SIPA1L3: variants seen among roughly 807,000 people sequenced by gnomAD.
The protein encoded by SIPA1L3 is signal induced proliferation associated 1 like 3, also known as signal-induced proliferation-associated 1-like protein 3.
Under a neutral mutation model 150.1 loss-of-function variants are expected in SIPA1L3, and 59 were observed. The observed-to-expected ratio is 0.39, with a 90% confidence interval of 0.32 to 0.49. The LOEUF is 0.49. Ranked by LOEUF, SIPA1L3 falls within the 20% of genes least tolerant of loss-of-function variation. The pLI, the probability that SIPA1L3 is intolerant of heterozygous loss-of-function variation, is 0.86. For synonymous variants in SIPA1L3, 1,070 were observed against 1,077.6 expected, an observed-to-expected ratio of 0.99 and a Z score of 0.14; for missense variants, 2,211 against 2,489.5, an observed-to-expected ratio of 0.89 and a Z score of 2.38.
rs896797289 is a variant in SIPA1L3 at position 37,923,167 on chromosome 19, C to T, written c.-379+15809C>T. On this transcript the variant is annotated intron_variant, in intron 1 of 21. Coordinates refer to ENST00000222345, the MANE Select transcript of SIPA1L3 (RefSeq NM_015073.3). ...AAAAAAAAAGAAGTACAACACGCAC[C>T]GTGTCAGTTGGTGATAAGTGCGAGG... Among the ~76,000 whole-genome samples the T allele has an allele frequency of 4.0e-5, 6 of 151,842 alleles. No homozygotes were observed. In the South Asian group the frequency reaches 6.2e-4, roughly 16 times the overall value.
intron 1 of SIPA1L3, among the ~76,000 whole-genome samples, chr19:37,914,236 C>T (rs190650923): frequency 6.6e-5 from 10 of 151,944 alleles, no homozygotes; most frequent in African/African-American, 1.9e-4. Context: ...CTGGCTATGC[C>T]GAAAGTTGAA....
At chr19:37,919,570 T>C (rs1007005371) in intron 1 of SIPA1L3, among the ~76,000 whole-genome samples, 2 of 152,150 alleles carry the variant, frequency 1.3e-5, no homozygotes, top group African/African-American at 2.4e-5. Context: ...GGTCTTTCGA[T>C]GAACAGACAG....
intron 2 of SIPA1L3, among the ~76,000 whole-genome samples, chr19:38,045,663 T>C (rs2145749066): frequency 6.6e-6 from 1 of 151,842 alleles, no homozygotes; most frequent in African/African-American, 2.4e-5. Context: ...GGGGTGGGCG[T>C]GGGAGTGTCA....
At chr19:38,056,487 C>T (rs987454222) in intron 2 of SIPA1L3, among the ~76,000 whole-genome samples, 9 of 152,208 alleles carry the variant, frequency 5.9e-5, no homozygotes, top group African/African-American at 9.7e-5. Context: ...TCTTCCTTGG[C>T]CACCCACTCT....
At chr19:38,179,802 C>G (rs1364625810) in intron 15 of SIPA1L3, among the ~76,000 whole-genome samples, 1 of 152,160 alleles carries the variant, frequency 6.6e-6, no homozygotes, top group African/African-American at 2.4e-5. Flanking sequence ...TGTCTACTGA[C>G]TCAGGTCATT....
Position 38,073,866 on chromosome 19 carries a change from G to C in SIPA1L3, c.-310-7390G>C, listed in dbSNP as rs118018909. Among the ~76,000 whole-genome samples the C allele has an allele frequency of 7.9e-4, 120 of 152,334 alleles. 3 individuals are homozygous for C. In the East Asian group the frequency reaches 0.017, roughly 22 times the overall value. ...CCTGGGCCGACCAAGCCCACGTCCT[G>C]TGCCCACTCCAACTGTGCTTCTGTG... On this transcript the variant is annotated intron_variant, in intron 2 of 21. Transcript: ENST00000222345.
intron 1 of SIPA1L3, among the ~76,000 whole-genome samples, chr19:38,001,403 G>A (rs1410507010): frequency 5.9e-5 from 9 of 151,982 alleles, no homozygotes; most frequent in Non-Finnish European, 5.9e-5. Context: ...TTCTGATCTT[G>A]CAAAAGAACC....
At chr19:38,090,772 A>G (rs1970240195) in intron 4 of SIPA1L3, among the ~76,000 whole-genome samples, 1 of 152,182 alleles carries the variant, frequency 6.6e-6, no homozygotes, top group South Asian at 2.1e-4. Context: ...GGGGCCAGCC[A>G]AGTCCTGGAC....
chr19:38,133,466 A>T (rs929422215), intron 10 of SIPA1L3, among the ~76,000 whole-genome samples: 6 of 152,224 alleles, frequency 3.9e-5, no homozygotes, highest in Non-Finnish European at 8.8e-5. Context: ...TTTCAGAATA[A>T]TGAGTTGGTC....
At chr19:38,159,777 C>T (rs1258676349) in intron 13 of SIPA1L3, among the ~76,000 whole-genome samples, 3 of 152,174 alleles carry the variant, frequency 2.0e-5, no homozygotes, top group African/African-American at 4.8e-5. Flanking sequence ...ACTGGGAGGA[C>T]GCAGCAGGGT....
intron 1 of SIPA1L3, among the ~76,000 whole-genome samples, chr19:37,964,975 A>G (rs2046890306): frequency 6.6e-6 from 1 of 152,280 alleles, no homozygotes; most frequent in Non-Finnish European, 1.5e-5. Context: ...GTTAGATAGA[A>G]TTCTCTATAC....
intron 1 of SIPA1L3, among the ~76,000 whole-genome samples, chr19:37,937,282 A>G (rs1480389179): frequency 6.6e-6 from 1 of 152,212 alleles, no homozygotes; most frequent in Non-Finnish European, 1.5e-5. Context: ...CATAATGAAC[A>G]GCCGTTAGCC....
intron 1 of SIPA1L3, among the ~76,000 whole-genome samples, chr19:37,917,174 G>A (rs2046420990): frequency 6.6e-6 from 1 of 151,942 alleles, no homozygotes; most frequent in Non-Finnish European, 1.5e-5. Context: ...CATACAATAT[G>A]TATTTTACAC....
intron 1 of SIPA1L3, among the ~76,000 whole-genome samples, chr19:37,966,323 G>A (rs1183780160): frequency 1.3e-5 from 2 of 152,188 alleles, no homozygotes; most frequent in African/African-American, 4.8e-5. Flanking sequence ...CTTGCCTCGG[G>A]CTCAGTGAGG....
At chr19:38,094,152 T>A (rs1180979835) in intron 4 of SIPA1L3, among the ~76,000 whole-genome samples, 1 of 152,232 alleles carries the variant, frequency 6.6e-6, no homozygotes, top group South Asian at 2.1e-4. Context: ...TACATAAGTA[T>A]GCAAAGTAGA....
intron 1 of SIPA1L3, among the ~76,000 whole-genome samples, chr19:37,973,556 C>CG (rs1290013117): frequency 0.023 from 956 of 40,844 alleles, 133 homozygotes; most frequent in South Asian, 0.074. Flanking sequence ...AAAAAAAAAG[C>CG]GGGAGGGGGG....
At chr19:38,106,953 G>A (rs906906281) in intron 7 of SIPA1L3, among the ~76,000 whole-genome samples, 1 of 152,204 alleles carries the variant, frequency 6.6e-6, no homozygotes, top group African/African-American at 2.4e-5. Context: ...TTGACTGCAA[G>A]TAACAGAAAC....
intron 13 of SIPA1L3, among the ~76,000 whole-genome samples, chr19:38,158,887 TGCAGGGCA>T (rs905034457): frequency 1.3e-5 from 2 of 152,194 alleles, no homozygotes; most frequent in Admixed American, 1.3e-4. Flanking sequence ...GTGGAGGTGC[TGCAGGGCA>T]GCCGAGTTCA....
intron 15 of SIPA1L3, among the ~76,000 whole-genome samples, chr19:38,181,927 G>A (rs771144175): frequency 4.0e-5 from 6 of 151,756 alleles, no homozygotes; most frequent in African/African-American, 7.3e-5. Context: ...CAAGGCAGGC[G>A]GATTGCTTGA....
Sources: gnomAD v4.1 joint callset for allele counts (sites outside exome capture counted in the v4.1 genomes callset) on GRCh38, gnomAD v4.1.1 for gene constraint, MANE v1.5 for transcripts, NCBI Gene and HGNC (gene_info 2026-07-23, HGNC 2026-07-21) for gene names.